KLHL33: variants seen among roughly 807,000 people sequenced by gnomAD.
KLHL33 encodes the protein kelch-like protein 33.
Under a neutral mutation model 60.8 loss-of-function variants are expected in KLHL33, and 46 were observed. That is an observed-to-expected ratio of 0.76 (90% CI 0.60 to 0.97). KLHL33 has a LOEUF of 0.97. KLHL33 is among the 50% of genes least tolerant of loss of function. KLHL33 has a pLI of 0.00. For missense variants in KLHL33, 1,055 were observed against 1,000.0 expected (o/e 1.05, Z -0.74); for synonymous variants, 434 against 432.2 (o/e 1.00, Z -0.05).
Position 20,435,617 on chromosome 14 carries a change from A to G in KLHL33, c.195T>C (p.Leu65=). The G allele has an allele frequency of 4.0e-6, 5 of 1,234,628 alleles. No homozygotes were observed. Among genetic ancestry groups the G allele is most frequent in the Non-Finnish European group, 5.1e-6 (5 of 988,322 alleles). 76.5% of individuals were successfully genotyped at this position (1,234,628 alleles called of 1,614,324 possible). A position where few individuals can be genotyped will look rare whatever the true frequency, so the allele number is the denominator to read the frequency against. ...PGSRPLVPRN[L]PFPALSLEEE... ...CCTCTAGGGACAAGGCTGGAAAGGG[A>G]AGGTTCCTTGGGACCAGGGGCCTGG... The change falls in exon 2 of 5, where the codon CTT becomes CTC. Residue 65 remains leucine (L), a synonymous_variant. Coordinates refer to ENST00000636854, the MANE Select transcript of KLHL33 (RefSeq NM_001365790.2).
rs568862877 is a variant in KLHL33 at position 20,426,652 on chromosome 14, T to G, written c.*2197A>C. On this transcript the variant is annotated 3_prime_UTR_variant, in exon 5 of 5. Transcript: ENST00000636854. Reference sequence around the variant, plus strand: ...TTCCTCAGGGACCTAGAACTAGAAATACCATTTGACCCAGCCATCCCATTA... The same window carrying G: ...TTCCTCAGGGACCTAGAACTAGAAAGACCATTTGACCCAGCCATCCCATTA... 1.3e-5 allele frequency: 2 copies of G among 152,026 alleles called. No individual in the cohort carries two copies. Among genetic ancestry groups the G allele is most frequent in the South Asian group, 4.2e-4 (2 of 4,814 alleles). 9.4% of individuals were successfully genotyped at this position (152,026 alleles called of 1,614,324 possible).
At chr14:20,429,697 A>AGAGG in intron 3 of KLHL33, 28 bp from the exon 4 acceptor site, 1 of 1,546,354 alleles carries the variant, frequency 6.5e-7, no homozygotes, top group Non-Finnish European at 8.7e-7. Context: ...AGAGATTGGA[A>AGAGG]GAGGGACTCT....
chr14:20,428,124 TCCCTCCTTGGCCTCTGCCC>T lies in KLHL33; in HGVS notation c.*706_*724del. On this transcript the variant is annotated 3_prime_UTR_variant, in exon 5 of 5. Coordinates refer to ENST00000636854, the MANE Select transcript of KLHL33 (RefSeq NM_001365790.2). ...CATCTGTTTTTCCACTGTGGGCCTC[TCCCTCCTTGGCCTCTGCCC>T]CCATCATCTTTCCCACACAACACTC... 6.6e-6 allele frequency: 1 copy of T among 152,460 alleles called. No individual in the cohort carries two copies. The highest frequency in any genetic ancestry group is 1.5e-5 in the Non-Finnish European group (1 of 68,236). 9.4% of individuals were successfully genotyped at this position (152,460 alleles called of 1,614,324 possible). A position where few individuals can be genotyped will look rare whatever the true frequency, so the allele number is the denominator to read the frequency against.
At chr14:20,429,745 C>A in intron 3 of KLHL33, 50 bp downstream of exon 3, 1 of 1,526,036 alleles carries the variant, frequency 6.6e-7, no homozygotes, top group South Asian at 1.2e-5. Flanking sequence ...ATTTCTCTCC[C>A]TGCCCACCTT....
rs973270294 is a variant in KLHL33, at chr14:20,435,525, G to A, written c.287C>T (p.Pro96Leu). The change falls in exon 2 of 5, where the codon CCG becomes CTG. Residue 96 changes from proline (P) to leucine (L), a missense_variant. Coordinates refer to ENST00000636854, the MANE Select transcript of KLHL33 (RefSeq NM_001365790.2). ...EPEWLRSEEHPSQFFAEAQRL... is the reference protein window; with the variant it reads ...EPEWLRSEEHLSQFFAEAQRL... Reference sequence around the variant, plus strand: ...CTGGGCCTCGGCGAAAAACTGGCTCGGATGCTCCTCGCTGCGCAGCCACTC... The same window carrying A: ...CTGGGCCTCGGCGAAAAACTGGCTCAGATGCTCCTCGCTGCGCAGCCACTC... The A allele has an allele frequency of 3.2e-6, 4 of 1,234,672 alleles. No individual in the cohort carries two copies. The East Asian group carries it at 1.3e-4, about 39-fold the overall frequency. The allele number at this position is 1,234,672 out of a possible 1,614,324, so 76.5% of individuals were successfully genotyped here. A position where few individuals can be genotyped will look rare whatever the true frequency, so the allele number is the denominator to read the frequency against.
Position 20,430,011 on chromosome 14 carries a change from T to G in KLHL33, c.1457A>C (p.Asp486Ala). Residue 486 changes from aspartate to alanine, a missense_variant, in exon 3 of 5, where the codon GAC (aspartate) becomes GCC (alanine). By Grantham distance (126) the Asp-to-Ala change is moderately radical. Coordinates refer to ENST00000636854, the MANE Select transcript of KLHL33 (RefSeq NM_001365790.2). ...VVIGGDGLRP[D>A]MALRQPSRAV... The stretch of plus-strand genomic sequence containing the variant: ...TCGGGATGGTTGTCTTAGGGCCATG[T>G]CTGGTCTGAGCCCATCCCCGCCAAT... The G allele has an allele frequency of 6.4e-7, 1 of 1,551,730 alleles. No individual in the cohort carries two copies. Among genetic ancestry groups the G allele is most frequent in the Non-Finnish European group, 8.7e-7 (1 of 1,146,998 alleles).
chr14:20,432,852 G>T (rs1880550480), intron 2 of KLHL33, among the ~76,000 whole-genome samples: 1 of 151,530 alleles, frequency 6.6e-6, no homozygotes. Context: ...AACCTGGGAG[G>T]TGAAGGCTGC....
At chr14:20,432,280 A>G (rs1199540148) in intron 2 of KLHL33, among the ~76,000 whole-genome samples, 1 of 151,992 alleles carries the variant, frequency 6.6e-6, no homozygotes, top group Admixed American at 6.6e-5. Flanking sequence ...ATGCCTGGCT[A>G]ATTTTTGTAT....
intron 3 of KLHL33, 60 bp from the exon 4 acceptor site, chr14:20,429,729 C>T (rs1778646229): frequency 6.5e-7 from 1 of 1,528,794 alleles, no homozygotes; most frequent in African/African-American, 1.4e-5. Flanking sequence ...GTTGGCTAGG[C>T]CAGCAATTTC....
chr14:20,430,907 G>T (rs1880493574), intron 2 of KLHL33, among the ~76,000 whole-genome samples, 188 bp from the exon 3 acceptor site: 1 of 152,180 alleles, frequency 6.6e-6, no homozygotes, highest in South Asian at 2.1e-4. Context: ...GGTTTCAGCA[G>T]TCCACTCCCA....
At chr14:20,434,184 AC>A (rs1342927796) in intron 2 of KLHL33, among the ~76,000 whole-genome samples, 5 of 152,148 alleles carry the variant, frequency 3.3e-5, no homozygotes, top group Non-Finnish European at 7.4e-5. Flanking sequence ...ATGTTAGTAG[AC>A]TCCGAATAAT....
rs1044696255 is a variant in KLHL33, at chr14:20,428,760, A to G, written c.*89T>C. ...GTGTGAGAATAAAATACTACCAAGAATAAAGCCTCTTTTCACTCCCCACAA... is the reference window on the plus strand; with the variant it reads ...GTGTGAGAATAAAATACTACCAAGAGTAAAGCCTCTTTTCACTCCCCACAA... On this transcript the variant is annotated 3_prime_UTR_variant, in exon 5 of 5. Transcript: ENST00000636854. The G allele has an allele frequency of 1.2e-5, 14 of 1,146,710 alleles. No homozygotes were observed. The highest frequency in any genetic ancestry group is 1.7e-5 in the Non-Finnish European group (14 of 811,292). 71.0% of individuals were successfully genotyped at this position (1,146,710 alleles called of 1,614,324 possible).
At position 20,426,941 on chromosome 14, in the gene KLHL33, C is replaced by A. The variant is rs955865930; in HGVS notation, c.*1908G>T. 6.2e-5 allele frequency: 9 copies of A among 144,636 alleles called. No individual in the cohort carries two copies. Among genetic ancestry groups the A allele is most frequent in the Admixed American group, 2.1e-4 (3 of 13,960 alleles). The allele number at this position is 144,636 out of a possible 1,614,324, so 9.0% of individuals were successfully genotyped here. A position where few individuals can be genotyped will look rare whatever the true frequency, so the allele number is the denominator to read the frequency against. ...GTAAACTATCGCAAGGACAAAAAAA[C>A]CAAACACCGCATGTTCTCACTCATA... On this transcript the variant is annotated 3_prime_UTR_variant, in exon 5 of 5. Transcript: ENST00000636854.
Position 20,430,603 on chromosome 14 carries a change from G to A in KLHL33, c.865C>T (p.Arg289Ter), listed in dbSNP as rs990215610. Residue 289 changes from arginine (R) to a stop codon, truncating the protein, a stop_gained, in exon 3 of 5, where the codon CGA becomes TGA. Transcript: ENST00000636854. LOFTEE classifies it high-confidence loss of function. ...GAGTAAGCAAAAGAGACGAGGAGTC[G>A]CAGGTCCTGGGTGGAGATCGTCCGC... ...SLRTISTQDL[R>*]LLVSFAYSGV... 9.8e-6 allele frequency: 15 copies of A among 1,536,832 alleles called. No individual in the cohort carries two copies. The highest frequency in any genetic ancestry group is 6.8e-5 in the African/African-American group (5 of 73,044).
At chr14:20,433,119 A>G (rs2139272985) in intron 2 of KLHL33, among the ~76,000 whole-genome samples, 1 of 152,328 alleles carries the variant, frequency 6.6e-6, no homozygotes, top group East Asian at 1.9e-4. Context: ...TACATACCCA[A>G]ATACTTATGA....
intron 2 of KLHL33, among the ~76,000 whole-genome samples, chr14:20,431,079 C>G (rs1473275799): frequency 6.6e-6 from 1 of 152,144 alleles, no homozygotes; most frequent in Non-Finnish European, 1.5e-5. Flanking sequence ...CTTCATGGAT[C>G]AGGTTGAGAG....
In KLHL33 at chr14:20,427,250, A is replaced by C. The variant is rs1298416799; in HGVS notation, c.*1599T>G. ...AAAATTGACCTAAACACACACAAAA[A>C]AACTGACCCTTTTTTGCTCTCAGCT... On this transcript the variant is annotated 3_prime_UTR_variant, in exon 5 of 5. Transcript: ENST00000636854. 2.0e-5 allele frequency: 3 copies of C among 152,020 alleles called. No individual in the cohort carries two copies. The highest frequency in any genetic ancestry group is 7.2e-5 in the African/African-American group (3 of 41,414). 9.4% of individuals were successfully genotyped at this position (152,020 alleles called of 1,614,324 possible). A position where few individuals can be genotyped will look rare whatever the true frequency, so the allele number is the denominator to read the frequency against.
Position 20,435,242 on chromosome 14 carries a change from C to T in KLHL33, c.570G>A (p.Ala190=). 8.1e-7 allele frequency: 1 copy of T among 1,234,408 alleles called. No individual in the cohort carries two copies. Among genetic ancestry groups the T allele is most frequent in the Non-Finnish European group, 1.0e-6 (1 of 988,196 alleles). The allele number at this position is 1,234,408 out of a possible 1,614,324, so 76.5% of individuals were successfully genotyped here. The change falls in exon 2 of 5, where the codon GCG becomes GCA. Residue 190 remains alanine, a synonymous_variant. Transcript: ENST00000636854. The part of the protein sequence containing the change: ...DVLAAAEALG[A]PRVKAAAQQT... ...GCTGGGCAGCAGCCTTCACCCGGGG[C>T]GCTCCCAGCGCCTCTGCTGCGGCCA...
chr14:20,433,455 C>T (rs188347968), intron 2 of KLHL33, among the ~76,000 whole-genome samples: 64 of 152,264 alleles, frequency 4.2e-4, no homozygotes, highest in Admixed American at 3.9e-3. Flanking sequence ...TGGCCTGGTG[C>T]TTCCCAAGTA....
Sources: allele counts gnomAD v4.1 joint callset (sites outside exome capture counted in the v4.1 genomes callset), GRCh38; gene constraint gnomAD v4.1.1; transcripts MANE v1.5; gene names NCBI Gene and HGNC (gene_info 2026-07-23, HGNC 2026-07-21).